Variants in FOXP1 observed in about 807,000 individuals in gnomAD.
The protein encoded by FOXP1 is forkhead box protein P1.
In FOXP1, 15 loss-of-function variants were observed where a neutral mutation model predicts 98.2. The ratio of observed to expected loss-of-function variants is 0.15; its 90% confidence interval spans 0.10 to 0.24. The LOEUF is 0.24. FOXP1 is among the 10% of genes least tolerant of loss of function. The pLI, the probability that FOXP1 is intolerant of heterozygous loss-of-function variation, is 1.00. For synonymous variants in FOXP1, 371 were observed against 314.5 expected (o/e 1.18, Z -1.90); for missense variants, 633 against 848.5 (o/e 0.75, Z 3.15).
chr3:71,450,107 A>G (rs1234714299), intron 3 of FOXP1, among the ~76,000 whole-genome samples: 2 of 152,210 alleles, frequency 1.3e-5, no homozygotes, highest in African/African-American at 4.8e-5. Flanking sequence ...CTAAATACAT[A>G]AGACATTAGA....
rs1553853273 is a variant in FOXP1 at position 71,348,553 on chromosome 3, G to GCGCGCGCGCGCGCA, written c.-73+10596_-73+10597insTGCGCGCGCGCGCG. 1.0e-3 allele frequency among the ~76,000 whole-genome samples: 136 copies of GCGCGCGCGCGCGCA among 130,726 alleles called. 1 individual carries two copies. Among genetic ancestry groups the GCGCGCGCGCGCGCA allele is most frequent in the African/African-American group, 4.1e-3 (131 of 32,050 alleles). 85.8% of individuals were successfully genotyped at this position (130,726 alleles called of 152,430 possible). On this transcript the variant is annotated intron_variant, in intron 4 of 20. Transcript: ENST00000649528. ...TGTGTGTGTGTGTGTGTGTGTGCGT[G>GCGCGCGCGCGCGCA]CGCGCGCGCACGCATATGCATGTGT...
At chr3:71,445,540 G>T in intron 3 of FOXP1, among the ~76,000 whole-genome samples, 1 of 151,616 alleles carries the variant, frequency 6.6e-6, no homozygotes, top group African/African-American at 2.4e-5. Flanking sequence ...CTATATAAAG[G>T]GCCTTTCTTT....
intron 3 of FOXP1, among the ~76,000 whole-genome samples, chr3:71,463,144 C>T (rs1393501147): frequency 1.3e-5 from 2 of 152,082 alleles, no homozygotes; most frequent in Admixed American, 1.3e-4. Context: ...AGGCAGATTG[C>T]TTAAGGTCAG....
At position 71,387,917 on chromosome 3, in the gene FOXP1, C is replaced by T. The variant is rs188803366; in HGVS notation, c.-167-28673G>A. Among the ~76,000 whole-genome samples the T allele has an allele frequency of 2.7e-3, 410 of 152,270 alleles. 4 individuals are homozygous for T. Among genetic ancestry groups the T allele is most frequent in the African/African-American group, 8.8e-3 (366 of 41,534 alleles). ...TGACTTGGTTATAGTCAGAGGCTTA[C>T]GATGCCAATACCAAACCAATGCCAG... On this transcript the variant is annotated intron_variant, in intron 3 of 20. Transcript: ENST00000649528.
chr3:71,573,084 A>G (rs1177241086), intron 2 of FOXP1, among the ~76,000 whole-genome samples: 3 of 152,228 alleles, frequency 2.0e-5, no homozygotes, highest in Non-Finnish European at 2.9e-5. Flanking sequence ...CCTTATATTT[A>G]AAGAATTTTT....
At chr3:71,534,667 G>C (rs981458969) in intron 2 of FOXP1, among the ~76,000 whole-genome samples, 5 of 152,318 alleles carry the variant, frequency 3.3e-5, no homozygotes, top group Non-Finnish European at 7.4e-5. Flanking sequence ...GACAGAGCCA[G>C]AGTGGGGTTG....
At chr3:71,302,536 A>C (rs1178547150) in intron 4 of FOXP1, among the ~76,000 whole-genome samples, 1 of 151,282 alleles carries the variant, frequency 6.6e-6, no homozygotes, top group Non-Finnish European at 1.5e-5. Flanking sequence ...AAAAAAGATA[A>C]AGATAAAAGA....
At chr3:70,978,388 G>A (rs2038055155) in intron 14 of FOXP1, among the ~76,000 whole-genome samples, 1 of 152,202 alleles carries the variant, frequency 6.6e-6, no homozygotes, top group African/African-American at 2.4e-5. Context: ...CCTCAAAGAG[G>A]GAGAGAAGTC....
intron 5 of FOXP1, among the ~76,000 whole-genome samples, chr3:71,227,480 C>T (rs950450147): frequency 1.3e-5 from 2 of 152,178 alleles, no homozygotes; most frequent in African/African-American, 4.8e-5. Flanking sequence ...GCTTATCTAA[C>T]GGTCTATTGA....
intron 3 of FOXP1, among the ~76,000 whole-genome samples, chr3:71,485,638 G>A (rs1017533796): frequency 2.0e-5 from 3 of 152,084 alleles, no homozygotes; most frequent in Admixed American, 6.6e-5. Flanking sequence ...GTGTGATGGC[G>A]TGTACCTTTA....
chr3:71,323,708 T>C (rs143048659), intron 4 of FOXP1, among the ~76,000 whole-genome samples: 3 of 152,204 alleles, frequency 2.0e-5, no homozygotes, highest in Non-Finnish European at 4.4e-5. Context: ...GGACACAGAA[T>C]AGTTTTCACG....
At chr3:71,141,853 C>T (rs151064971) in intron 6 of FOXP1, among the ~76,000 whole-genome samples, 60 of 152,046 alleles carry the variant, frequency 3.9e-4, no homozygotes, top group African/African-American at 1.1e-3. Flanking sequence ...AATTCATCCA[C>T]GAAGAGGTGA....
intron 3 of FOXP1, among the ~76,000 whole-genome samples, chr3:71,421,667 A>G (rs1275278248): frequency 6.6e-6 from 1 of 152,202 alleles, no homozygotes; most frequent in African/African-American, 2.4e-5. Context: ...CACTAGAAAC[A>G]GAGGGGCCGC....
chr3:71,225,964 CA>C (rs938278567), intron 5 of FOXP1, among the ~76,000 whole-genome samples: 1 of 151,830 alleles, frequency 6.6e-6, no homozygotes, highest in African/African-American at 2.4e-5. Flanking sequence ...GAGGGCTTAC[CA>C]AAAAAAACTT....
chr3:71,388,906 C>A (rs1018589812), intron 3 of FOXP1, among the ~76,000 whole-genome samples: 3 of 149,356 alleles, frequency 2.0e-5, no homozygotes, highest in Admixed American at 6.7e-5. Flanking sequence ...TAGTAACACA[C>A]TGTACCAAGT....
chr3:71,489,913 A>G (rs2090942613), intron 3 of FOXP1, among the ~76,000 whole-genome samples: 1 of 152,106 alleles, frequency 6.6e-6, no homozygotes, highest in South Asian at 2.1e-4. Context: ...CTGGATGCCT[A>G]CCTCTGTAAC....
intron 11 of FOXP1, among the ~76,000 whole-genome samples, chr3:71,018,068 G>C (rs1018901077): frequency 2.0e-5 from 3 of 152,172 alleles, no homozygotes; most frequent in Non-Finnish European, 4.4e-5. Flanking sequence ...GGAGTGTTCT[G>C]AAAATAATAA....
At chr3:71,446,196 A>G (rs2086417790) in intron 3 of FOXP1, among the ~76,000 whole-genome samples, 1 of 152,118 alleles carries the variant, frequency 6.6e-6, no homozygotes, top group Admixed American at 6.6e-5. Flanking sequence ...CCATCTTGCT[A>G]AGACTGGCTT....
intron 5 of FOXP1, among the ~76,000 whole-genome samples, chr3:71,246,865 A>C (rs1399533540): frequency 6.6e-6 from 1 of 152,232 alleles, no homozygotes; most frequent in Non-Finnish European, 1.5e-5. Flanking sequence ...GAAAATTGCT[A>C]GCTATTTATG....
Sources: allele counts gnomAD v4.1 joint callset (sites outside exome capture counted in the v4.1 genomes callset), GRCh38; gene constraint gnomAD v4.1.1; transcripts MANE v1.5; gene names NCBI Gene and HGNC (gene_info 2026-07-23, HGNC 2026-07-21).